CTNND2: variants seen among roughly 807,000 people sequenced by gnomAD.
The protein encoded by CTNND2 is catenin delta 2.
In CTNND2, 22 loss-of-function variants were observed where a neutral mutation model predicts 144.4. That is an observed-to-expected ratio of 0.15 (90% CI 0.11 to 0.22). The LOEUF is 0.22. CTNND2 is among the 10% of genes least tolerant of loss of function. The pLI is 1.00. For synonymous variants in CTNND2, 751 were observed against 695.6 expected (o/e 1.08, Z -1.25); for missense variants, 1,353 against 1,618.8 (o/e 0.84, Z 2.82).
chr5:11,720,533 C>A (rs1003936821), intron 2 of CTNND2, among the ~76,000 whole-genome samples: 3 of 152,122 alleles, frequency 2.0e-5, no homozygotes, highest in Non-Finnish European at 4.4e-5. Context: ...CTACAGCCCC[C>A]CTTCCTGTCT....
At chr5:11,469,924 C>T (rs1234513733) in intron 3 of CTNND2, among the ~76,000 whole-genome samples, 1 of 152,100 alleles carries the variant, frequency 6.6e-6, no homozygotes, top group Non-Finnish European at 1.5e-5. Flanking sequence ...CGTTCAAGCC[C>T]TTGACCATGC....
At chr5:11,182,027 A>G (rs1462779814) in intron 11 of CTNND2, among the ~76,000 whole-genome samples, 4 of 28,214 alleles carry the variant, frequency 1.4e-4, no homozygotes, top group East Asian at 9.8e-4. Context: ...GGCGTGTGTG[A>G]TGTATGTGTG....
At chr5:11,154,139 T>A (rs1758001709) in intron 12 of CTNND2, among the ~76,000 whole-genome samples, 1 of 152,192 alleles carries the variant, frequency 6.6e-6, no homozygotes, top group Admixed American at 6.5e-5. Flanking sequence ...TCGACATCCT[T>A]AAATGACACT....
rs1407299815 is a variant in CTNND2, at chr5:11,480,278, A to G, written c.288-68209T>C. 5.9e-5 allele frequency among the ~76,000 whole-genome samples: 9 copies of G among 152,262 alleles called. No individual in the cohort carries two copies. The South Asian group carries it at 1.7e-3, about 28-fold the overall frequency. On this transcript the variant is annotated intron_variant, in intron 3 of 21. Transcript: ENST00000304623. ...TACTGAACAAGGAGTCCCTTACCCA[A>G]TGATTGTTTTTGTCAGCTTTCATGT...
chr5:11,300,462 T>C lies in CTNND2; in HGVS notation c.1628+45910A>G, dbSNP rs116192705. Among the ~76,000 whole-genome samples, 468 of 152,258 alleles carry C rather than the reference T, an allele frequency of 3.1e-3. 3 individuals are homozygous for C. Among genetic ancestry groups the C allele is most frequent in the African/African-American group, 0.011 (446 of 41,554 alleles). On this transcript the variant is annotated intron_variant, in intron 9 of 21. Transcript: ENST00000304623. ...GTCCAGCTTCCTTGTCAGGGCTCCTTGTCCCCCAGATGTTCTGCCATCTCC... is the reference window on the plus strand; with the variant it reads ...GTCCAGCTTCCTTGTCAGGGCTCCTCGTCCCCCAGATGTTCTGCCATCTCC...
intron 16 of CTNND2, among the ~76,000 whole-genome samples, chr5:11,046,222 A>G (rs1745230396): frequency 6.6e-6 from 1 of 152,192 alleles, no homozygotes; most frequent in African/African-American, 2.4e-5. Flanking sequence ...TCCTAATCCA[A>G]TATGACAGAG....
intron 1 of CTNND2, among the ~76,000 whole-genome samples, chr5:11,863,253 T>G (rs930394048): frequency 5.3e-5 from 8 of 152,212 alleles, no homozygotes; most frequent in Non-Finnish European, 1.0e-4. Flanking sequence ...AACTGTTGAT[T>G]GCCAAACAAT....
intron 11 of CTNND2, among the ~76,000 whole-genome samples, chr5:11,181,835 G>A (rs1405627322): frequency 8.2e-6 from 1 of 122,034 alleles, no homozygotes; most frequent in Non-Finnish European, 1.8e-5. Flanking sequence ...GTGTGTATGT[G>A]TGGCATGTGT....
At chr5:11,498,560 C>T (rs1187204275) in intron 3 of CTNND2, among the ~76,000 whole-genome samples, 1 of 151,990 alleles carries the variant, frequency 6.6e-6, no homozygotes, top group Non-Finnish European at 1.5e-5. Flanking sequence ...AACATGATGG[C>T]AAAAAAGACC....
intron 11 of CTNND2, among the ~76,000 whole-genome samples, chr5:11,185,779 G>T (rs1735566369): frequency 6.6e-6 from 1 of 152,210 alleles, no homozygotes. Context: ...CAGGTGTTGG[G>T]CAAGGGATGT....
chr5:11,017,906 G>T, intron 18 of CTNND2, 68 bp downstream of exon 18: 2 of 1,235,878 alleles, frequency 1.6e-6, no homozygotes, highest in Non-Finnish European at 2.4e-6. Flanking sequence ...TGCCCTCCAC[G>T]TCTGTGACGC....
At chr5:11,347,686 G>C (rs1221910924) in intron 8 of CTNND2, among the ~76,000 whole-genome samples, 1 of 152,174 alleles carries the variant, frequency 6.6e-6, no homozygotes, top group Non-Finnish European at 1.5e-5. Context: ...AATACAGCCA[G>C]TGGCTAGATA....
At chr5:11,439,738 CTATATCTA>C (rs1454957776) in intron 3 of CTNND2, among the ~76,000 whole-genome samples, 2 of 128,910 alleles carry the variant, frequency 1.6e-5, no homozygotes, top group African/African-American at 6.1e-5. Flanking sequence ...TCTCTGCTAG[CTATATCTA>C]TCTATCTATC....
At chr5:11,279,712 G>A (rs1746922554) in intron 9 of CTNND2, among the ~76,000 whole-genome samples, 1 of 152,226 alleles carries the variant, frequency 6.6e-6, no homozygotes, top group Admixed American at 6.5e-5. Flanking sequence ...GGCTGTACAG[G>A]AAGCATGGTG....
intron 1 of CTNND2, among the ~76,000 whole-genome samples, chr5:11,841,452 A>T (rs2126983571): frequency 1.3e-5 from 2 of 152,348 alleles, no homozygotes; most frequent in South Asian, 4.1e-4. Context: ...TCTGTAAAAA[A>T]TGCCTTCTAA....
chr5:11,058,101 A>G (rs1746529565), intron 16 of CTNND2, among the ~76,000 whole-genome samples: 1 of 152,256 alleles, frequency 6.6e-6, no homozygotes, highest in South Asian at 2.1e-4. Context: ...CAGTCTGACA[A>G]CGTGATAGAA....
At chr5:11,590,809 A>C (rs1371133528) in intron 2 of CTNND2, among the ~76,000 whole-genome samples, 1 of 152,218 alleles carries the variant, frequency 6.6e-6, no homozygotes, top group African/African-American at 2.4e-5. Flanking sequence ...CCAAACCTAT[A>C]AACTAATGAT....
intron 11 of CTNND2, among the ~76,000 whole-genome samples, chr5:11,171,930 A>T (rs1759965072): frequency 6.6e-6 from 1 of 152,224 alleles, no homozygotes; most frequent in South Asian, 2.1e-4. Context: ...CTAATTGTAG[A>T]GTAGATGCCA....
chr5:10,984,834 G>A (rs901603263), intron 20 of CTNND2, among the ~76,000 whole-genome samples: 1 of 152,104 alleles, frequency 6.6e-6, no homozygotes, highest in Non-Finnish European at 1.5e-5. Context: ...AGCAGTTTGA[G>A]AGGATGAGGC....
Sources: gnomAD v4.1 joint callset for allele counts (sites outside exome capture counted in the v4.1 genomes callset) on GRCh38, gnomAD v4.1.1 for gene constraint, MANE v1.5 for transcripts, NCBI Gene and HGNC (gene_info 2026-07-23, HGNC 2026-07-21) for gene names.